Variants in WDR70 observed in about 807,000 individuals in gnomAD.
WDR70 encodes the protein WD repeat-containing protein 70.
A neutral mutation model predicts 88.6 loss-of-function variants in WDR70; 53 were observed. The observed-to-expected ratio is 0.60, with a 90% confidence interval of 0.48 to 0.75. The LOEUF (loss-of-function observed/expected upper bound fraction) is 0.75, where lower values mean the gene tolerates loss of function less well. Among genes scored for constraint, WDR70 ranks in the 30% least tolerant of loss-of-function variants. WDR70 has a pLI of 0.00. For missense variants in WDR70, 610 were observed against 823.2 expected (o/e 0.74, Z 3.17); for synonymous variants, 280 against 270.0 (o/e 1.04, Z -0.36).
chr5:37,668,497 A>G (rs1299943568), intron 10 of WDR70, among the ~76,000 whole-genome samples: 2 of 152,240 alleles, frequency 1.3e-5, no homozygotes, highest in East Asian at 3.8e-4. Context: ...TAGAGTGCCT[A>G]AGTGATATAC....
In WDR70 at chr5:37,653,590, G is replaced by T. The variant is rs142051751; in HGVS notation, c.1093-44065G>T. 1.9e-3 allele frequency among the ~76,000 whole-genome samples: 287 copies of T among 152,178 alleles called. 1 individual carries two copies. The highest frequency in any genetic ancestry group is 6.6e-3 in the African/African-American group (275 of 41,536). On this transcript the variant is annotated intron_variant, in intron 10 of 17. Transcript: ENST00000265107. ...GTCCTGGGCTTTTTTTGGTTAGTAG[G>T]CTATTAATTACTACCTCGATTTCAG...
chr5:37,610,879 A>T (rs1263519969), intron 10 of WDR70, among the ~76,000 whole-genome samples: 2 of 152,226 alleles, frequency 1.3e-5, no homozygotes, highest in East Asian at 3.8e-4. Context: ...AAGCAGAAAT[A>T]GTGAGCTATT....
At chr5:37,701,700 G>C (rs2112659423) in intron 12 of WDR70, among the ~76,000 whole-genome samples, 1 of 151,022 alleles carries the variant, frequency 6.6e-6, no homozygotes, top group South Asian at 2.1e-4. Context: ...GCAGGAGAAT[G>C]GTGTGAACCT....
At chr5:37,484,514 A>C (rs1739794388) in intron 8 of WDR70, among the ~76,000 whole-genome samples, 1 of 152,218 alleles carries the variant, frequency 6.6e-6, no homozygotes, top group Non-Finnish European at 1.5e-5. Context: ...AGTACAGTCC[A>C]GCTTCGGCTT....
chr5:37,688,442 C>A (rs766248338), intron 10 of WDR70, among the ~76,000 whole-genome samples: 3 of 152,092 alleles, frequency 2.0e-5, no homozygotes, highest in Non-Finnish European at 4.4e-5. Context: ...ACATTAAAAA[C>A]AAACAAAACT....
At chr5:37,484,943 A>AT (rs1343432311) in intron 8 of WDR70, among the ~76,000 whole-genome samples, 1 of 152,236 alleles carries the variant, frequency 6.6e-6, no homozygotes, top group Non-Finnish European at 1.5e-5. Context: ...GCCAAAGCAC[A>AT]TACCTTGTCC....
chr5:37,507,846 T>G (rs1189534468), intron 8 of WDR70, among the ~76,000 whole-genome samples: 2 of 152,216 alleles, frequency 1.3e-5, no homozygotes, highest in Non-Finnish European at 2.9e-5. Context: ...CATAGAAATT[T>G]TATTGATTTT....
intron 9 of WDR70, among the ~76,000 whole-genome samples, chr5:37,520,386 A>T (rs993220159): frequency 6.6e-6 from 1 of 152,088 alleles, no homozygotes; most frequent in Non-Finnish European, 1.5e-5. Flanking sequence ...TACAAGTAAG[A>T]ATGTGACTAA....
At chr5:37,450,258 C>T (rs1461455555) in intron 7 of WDR70, among the ~76,000 whole-genome samples, 17 of 152,186 alleles carry the variant, frequency 1.1e-4, no homozygotes, top group Admixed American at 3.3e-4. Flanking sequence ...TTTGGGTATA[C>T]ACCTAGTAAT....
In WDR70 at chr5:37,693,522, A is replaced by G. The variant is rs1581503447; in HGVS notation, c.1093-4133A>G. Among the ~76,000 whole-genome samples, 6 of 152,292 alleles carry G rather than the reference A, an allele frequency of 3.9e-5. No individual in the cohort carries two copies. In the South Asian group the frequency reaches 1.0e-3, roughly 26 times the overall value. On this transcript the variant is annotated intron_variant, in intron 10 of 17. Coordinates refer to ENST00000265107, the MANE Select transcript of WDR70 (RefSeq NM_018034.4). Reference sequence around the variant, plus strand: ...TGGTACCAAAACAGATATATAGACCAATGGAACAGAACAGAGGCCTCAGAA... The same window carrying G: ...TGGTACCAAAACAGATATATAGACCGATGGAACAGAACAGAGGCCTCAGAA...
intron 9 of WDR70, among the ~76,000 whole-genome samples, chr5:37,557,962 G>GAAAACTCTTCAAAAGAGTACTCTT (rs1742362126): frequency 8.0e-3 from 23 of 2,862 alleles, no homozygotes; most frequent in African/African-American, 0.019. Context: ...AGAGTATTAT[G>GAAAACTCTTCAAAAGAGTACTCTT]TATATTTATT....
chr5:37,607,422 T>C (rs1744063901), intron 10 of WDR70, among the ~76,000 whole-genome samples: 2 of 152,162 alleles, frequency 1.3e-5, no homozygotes, highest in South Asian at 2.1e-4. Context: ...ACATTCATAA[T>C]TGCCCCATTT....
chr5:37,424,148 C>CAAAAAAAAAAAAAAA lies in WDR70; in HGVS notation c.493-13764_493-13750dup, dbSNP rs11304949. On this transcript the variant is annotated intron_variant, in intron 5 of 17. Transcript: ENST00000265107. Reference sequence around the variant, plus strand: ...GTGGCGGCAGAGGGAGACTCCATCTCAAAAAAAAAAAAAAAAAAAAAAAAC... The same window carrying CAAAAAAAAAAAAAAA: ...GTGGCGGCAGAGGGAGACTCCATCTCAAAAAAAAAAAAAAAAAAAAAAAAAAAAAAAAAAAAAAAC... Among the ~76,000 whole-genome samples, 3 of 55,492 alleles carry CAAAAAAAAAAAAAAA rather than the reference C, an allele frequency of 5.4e-5. 1 individual carries two copies. The highest frequency in any genetic ancestry group is 8.8e-5 in the Non-Finnish European group (3 of 33,936). 36.4% of individuals were successfully genotyped at this position (55,492 alleles called of 152,430 possible). A position where few individuals can be genotyped will look rare whatever the true frequency, so the allele number is the denominator to read the frequency against.
At chr5:37,659,013 T>G (rs1237929321) in intron 10 of WDR70, among the ~76,000 whole-genome samples, 1 of 152,208 alleles carries the variant, frequency 6.6e-6, no homozygotes, top group Non-Finnish European at 1.5e-5. Flanking sequence ...TAGAAGGTTC[T>G]CTTTAGTACT....
chr5:37,417,169 A>G (rs1749782050), intron 5 of WDR70, among the ~76,000 whole-genome samples: 1 of 152,200 alleles, frequency 6.6e-6, no homozygotes, highest in African/African-American at 2.4e-5. Context: ...TGCAGTGACA[A>G]ATATGGGGGT....
chr5:37,417,463 G>A (rs1749795800), intron 5 of WDR70, among the ~76,000 whole-genome samples: 1 of 151,452 alleles, frequency 6.6e-6, no homozygotes. Context: ...GGGCTCAGGT[G>A]ATCTGCCTGT....
intron 7 of WDR70, among the ~76,000 whole-genome samples, chr5:37,449,614 A>AAAAAAAAT (rs1738607337): frequency 3.3e-5 from 4 of 120,708 alleles, no homozygotes; most frequent in African/African-American, 1.2e-4. Flanking sequence ...TAAAAAATAA[A>AAAAAAAAT]AAATAAATAA....
chr5:37,711,834 A>G (rs570574075), intron 13 of WDR70, among the ~76,000 whole-genome samples: 1 of 152,080 alleles, frequency 6.6e-6, no homozygotes, highest in Non-Finnish European at 1.5e-5. Flanking sequence ...AAATGTATTT[A>G]TTAATTTTGC....
At chr5:37,608,346 C>T (rs1156671212) in intron 10 of WDR70, among the ~76,000 whole-genome samples, 1 of 151,782 alleles carries the variant, frequency 6.6e-6, no homozygotes, top group Admixed American at 6.6e-5. Context: ...GGCCATTCTG[C>T]AGCACTCTTA....
Sources: gnomAD v4.1 joint callset for allele counts (sites outside exome capture counted in the v4.1 genomes callset) on GRCh38, gnomAD v4.1.1 for gene constraint, MANE v1.5 for transcripts, NCBI Gene and HGNC (gene_info 2026-07-23, HGNC 2026-07-21) for gene names.